Variants in TMEM132B observed in about 807,000 individuals in gnomAD.
TMEM132B encodes the protein transmembrane protein 132B.
A neutral mutation model predicts 90.8 loss-of-function variants in TMEM132B; 18 were observed. The ratio of observed to expected loss-of-function variants is 0.20; its 90% CI spans 0.14 to 0.29. The LOEUF is 0.29. Ranked by LOEUF, TMEM132B falls within the 10% of genes least tolerant of loss-of-function variation. TMEM132B has a pLI of 1.00. For synonymous variants in TMEM132B, 504 were observed against 523.3 expected, an observed-to-expected ratio of 0.96 and a Z score of 0.50; for missense variants, 1,096 against 1,326.8, an observed-to-expected ratio of 0.83 and a Z score of 2.70.
At chr12:125,293,270 G>A (rs1875588054) in intron 1 of TMEM132B, among the ~76,000 whole-genome samples, 1 of 152,234 alleles carries the variant, frequency 6.6e-6, no homozygotes, top group South Asian at 2.1e-4. Context: ...TCTTAGTAAA[G>A]CGTATTGCAG....
At position 125,432,366 on chromosome 12, in the gene TMEM132B, AATATATATATATATAT is replaced by A. The variant is rs749081900; in HGVS notation, c.1106+16706_1106+16721del. Reference sequence around the variant, plus strand: ...GTGAATGGGCCAAGGGAATTCCTTGAATATATATATATATATATATATATATATATATGTATGTATG... The same window carrying A: ...GTGAATGGGCCAAGGGAATTCCTTGAATATATATATATATATGTATGTATG... On this transcript the variant is annotated intron_variant, in intron 3 of 8. Transcript: ENST00000682704. 9.1e-3 allele frequency among the ~76,000 whole-genome samples: 108 copies of A among 11,914 alleles called. 25 individuals are homozygous for A. Among genetic ancestry groups the A allele is most frequent in the Admixed American group, 0.026 (23 of 898 alleles). 7.8% of individuals were successfully genotyped at this position (11,914 alleles called of 152,430 possible).
intron 5 of TMEM132B, among the ~76,000 whole-genome samples, chr12:125,599,197 G>A (rs1885513617): frequency 6.6e-6 from 1 of 152,100 alleles, no homozygotes; most frequent in Non-Finnish European, 1.5e-5. Flanking sequence ...TAAGTCTCAC[G>A]AGATCTGATT....
At chr12:125,292,225 C>T (rs557558244) in intron 1 of TMEM132B, among the ~76,000 whole-genome samples, 1 of 152,312 alleles carries the variant, frequency 6.6e-6, no homozygotes, top group East Asian at 1.9e-4. Context: ...TCCTCCCCCT[C>T]CCCCATTACA....
At chr12:125,433,350 G>T (rs138038659) in intron 3 of TMEM132B, among the ~76,000 whole-genome samples, 1 of 152,032 alleles carries the variant, frequency 6.6e-6, no homozygotes, top group Non-Finnish European at 1.5e-5. Flanking sequence ...GGTGTCCCCC[G>T]ACTTGAACTC....
intron 3 of TMEM132B, among the ~76,000 whole-genome samples, chr12:125,494,250 C>G (rs1308465526): frequency 5.2e-5 from 7 of 135,772 alleles, no homozygotes; most frequent in Admixed American, 1.4e-4. Flanking sequence ...CCGTGTCCCT[C>G]TTCCCCCTCC....
intron 1 of TMEM132B, among the ~76,000 whole-genome samples, chr12:125,214,500 C>T (rs1257813728): frequency 6.6e-6 from 1 of 152,224 alleles, no homozygotes; most frequent in East Asian, 1.9e-4. Flanking sequence ...ATCATTGTGA[C>T]TCGGGCCAAG....
intron 3 of TMEM132B, among the ~76,000 whole-genome samples, chr12:125,442,586 T>C (rs1351438372): frequency 6.6e-6 from 1 of 152,118 alleles, no homozygotes; most frequent in Non-Finnish European, 1.5e-5. Flanking sequence ...TATAAAGTAG[T>C]ATTTAGTATA....
chr12:125,595,994 C>A (rs779485808), intron 5 of TMEM132B, among the ~76,000 whole-genome samples: 3 of 151,644 alleles, frequency 2.0e-5, no homozygotes, highest in African/African-American at 4.9e-5. Context: ...CAAATGTCCA[C>A]AGAGAAACTC....
At chr12:125,537,012 A>G (rs572049664) in intron 4 of TMEM132B, among the ~76,000 whole-genome samples, 35 of 152,210 alleles carry the variant, frequency 2.3e-4, no homozygotes, top group African/African-American at 7.9e-4. Context: ...ATCAGAGTGT[A>G]TCTGATTTGG....
At chr12:125,370,814 T>A (rs1377213664) in intron 2 of TMEM132B, among the ~76,000 whole-genome samples, 1 of 152,232 alleles carries the variant, frequency 6.6e-6, no homozygotes, top group Non-Finnish European at 1.5e-5. Flanking sequence ...AGGCAATGTC[T>A]TTCTACGTTG....
At chr12:125,288,842 T>C (rs962238897) in intron 1 of TMEM132B, among the ~76,000 whole-genome samples, 2 of 152,032 alleles carry the variant, frequency 1.3e-5, no homozygotes, top group Admixed American at 6.5e-5. Context: ...AGAACTTTTG[T>C]TTTAGGGGTA....
intron 3 of TMEM132B, among the ~76,000 whole-genome samples, chr12:125,423,074 AC>A (rs1054951102): frequency 4.6e-5 from 7 of 152,018 alleles, no homozygotes; most frequent in African/African-American, 1.5e-4. Flanking sequence ...CCTAGCCCTT[AC>A]CCCAGTAGGC....
intron 4 of TMEM132B, among the ~76,000 whole-genome samples, chr12:125,531,853 A>C (rs572407646): frequency 2.6e-5 from 4 of 152,370 alleles, no homozygotes; most frequent in Admixed American, 6.5e-5. Flanking sequence ...GCTGAAAGCC[A>C]TGTGCTTTGT....
chr12:125,453,627 T>A (rs1881214622), intron 3 of TMEM132B, among the ~76,000 whole-genome samples: 2 of 152,186 alleles, frequency 1.3e-5, no homozygotes, highest in African/African-American at 4.8e-5. Flanking sequence ...GCATAGTTAT[T>A]TCCTAAATGC....
Position 125,658,617 on chromosome 12 carries a change from G to A in TMEM132B, c.*3907G>A, listed in dbSNP as rs1025161332. On this transcript the variant is annotated 3_prime_UTR_variant, in exon 9 of 9. Transcript: ENST00000682704. ...CATATCACCTGTCATGTAAAGGGAC[G>A]GTATGGATGGTGGAAAAGTTATGCT... is the stretch of plus-strand genomic sequence containing the variant. The A allele has an allele frequency of 1.3e-5, 2 of 152,190 alleles. No individual in the cohort carries two copies. Among genetic ancestry groups the A allele is most frequent in the African/African-American group, 2.4e-5 (1 of 41,438 alleles). 9.4% of individuals were successfully genotyped at this position (152,190 alleles called of 1,614,324 possible). A position where few individuals can be genotyped will look rare whatever the true frequency, so the allele number is the denominator to read the frequency against.
intron 1 of TMEM132B, among the ~76,000 whole-genome samples, chr12:125,217,272 G>A (rs1873458646): frequency 6.6e-6 from 1 of 152,178 alleles, no homozygotes; most frequent in Non-Finnish European, 1.5e-5. Context: ...GGGGAAGAGA[G>A]GCCAGGCTGG....
intron 1 of TMEM132B, among the ~76,000 whole-genome samples, chr12:125,273,469 C>T (rs937994375): frequency 2.0e-5 from 3 of 152,138 alleles, no homozygotes; most frequent in Non-Finnish European, 4.4e-5. Context: ...TGCCTGTAGT[C>T]CCAGCTACTT....
At chr12:125,257,488 C>T (rs1034063941) in intron 1 of TMEM132B, among the ~76,000 whole-genome samples, 1 of 152,112 alleles carries the variant, frequency 6.6e-6, no homozygotes, top group Non-Finnish European at 1.5e-5. Context: ...CTGGCTGAAC[C>T]CTGTGCATGT....
At chr12:125,436,737 T>C (rs1480752859) in intron 3 of TMEM132B, among the ~76,000 whole-genome samples, 2 of 152,162 alleles carry the variant, frequency 1.3e-5, no homozygotes, top group East Asian at 1.9e-4. Context: ...AGCCACTCAA[T>C]TGGTGGTACT....
Sources: allele counts gnomAD v4.1 joint callset (sites outside exome capture counted in the v4.1 genomes callset), GRCh38; gene constraint gnomAD v4.1.1; transcripts MANE v1.5; gene names NCBI Gene and HGNC (gene_info 2026-07-23, HGNC 2026-07-21).